The following NTM variants were observed in gnomAD, a reference collection of about 807,000 sequenced individuals.
NTM encodes the protein neurotrimin, also known as IgLON family member 2.
In NTM, 13 loss-of-function variants were observed where a neutral mutation model predicts 42.1. That is an observed-to-expected ratio of 0.31 (90% CI 0.20 to 0.49). NTM has a LOEUF of 0.49. Among genes scored for constraint, NTM ranks in the 20% least tolerant of loss-of-function variants. The pLI is 0.99. For synonymous variants in NTM, 187 were observed against 179.2 expected (o/e 1.04, Z -0.35); for missense variants, 373 against 452.8 (o/e 0.82, Z 1.60).
chr11:131,794,957 A>G (rs1012583698), intron 1 of NTM: 1 of 985,338 alleles, frequency 1.0e-6, no homozygotes. Context: ...CCCGCATGTC[A>G]GTGCCTCTCC....
rs531987228 is a variant in NTM, at chr11:131,433,341, G to A, written c.82+62453G>A. 1.6e-4 allele frequency among the ~76,000 whole-genome samples: 24 copies of A among 152,120 alleles called. No individual in the cohort carries two copies. The East Asian group carries it at 2.5e-3, about 16-fold the overall frequency. On this transcript the variant is annotated intron_variant, in intron 1 of 8. Transcript: ENST00000683400. ...AACATTCTGTTTTTCCTGGAGTTAC[G>A]TATTTTCTGTGTATGTCTATTTTTT... is the stretch of plus-strand genomic sequence containing the variant.
intron 4 of NTM, among the ~76,000 whole-genome samples, chr11:132,257,817 C>T (rs758348955): frequency 6.6e-6 from 1 of 152,190 alleles, no homozygotes; most frequent in Non-Finnish European, 1.5e-5. Context: ...CATTGCCTCT[C>T]TTTATAAAAG....
intron 1 of NTM, among the ~76,000 whole-genome samples, chr11:131,661,837 T>C (rs1207633984): frequency 6.6e-6 from 1 of 152,224 alleles, no homozygotes; most frequent in African/African-American, 2.4e-5. Context: ...GTATTTGTTA[T>C]TTTCTTTGCG....
rs555069117 is a variant in NTM at position 131,472,269 on chromosome 11, C to G, written c.82+101381C>G. 3.9e-5 allele frequency among the ~76,000 whole-genome samples: 6 copies of G among 152,276 alleles called. No homozygotes were observed. In the South Asian group the frequency reaches 1.2e-3, roughly 32 times the overall value. On this transcript the variant is annotated intron_variant, in intron 1 of 8. Coordinates refer to ENST00000683400, the MANE Select transcript of NTM (RefSeq NM_001352005.2). ...CCCCTGCATGGTGTCAGCCCCCACTCTCTGGAAGGGCTCTCCGGTACCACT... is the reference window on the plus strand; with the variant it reads ...CCCCTGCATGGTGTCAGCCCCCACTGTCTGGAAGGGCTCTCCGGTACCACT...
chr11:131,800,253 T>C (rs1179846256), intron 1 of NTM, among the ~76,000 whole-genome samples: 1 of 152,324 alleles, frequency 6.6e-6, no homozygotes, highest in Non-Finnish European at 1.5e-5. Flanking sequence ...TCTCATCTGG[T>C]AGAATTTACC....
intron 1 of NTM, among the ~76,000 whole-genome samples, chr11:131,522,475 G>C (rs2049890470): frequency 6.6e-6 from 1 of 152,138 alleles, no homozygotes; most frequent in African/African-American, 2.4e-5. Context: ...CAACCACTGA[G>C]CAATTCACAG....
chr11:131,964,668 T>A (rs754323951), intron 2 of NTM, among the ~76,000 whole-genome samples: 7 of 152,198 alleles, frequency 4.6e-5, no homozygotes, highest in African/African-American at 7.2e-5. Flanking sequence ...GGCATCATTG[T>A]CCCTGTGATC....
chr11:132,137,271 A>G lies in NTM; in HGVS notation c.168-9011A>G, dbSNP rs549015417. On this transcript the variant is annotated intron_variant, in intron 2 of 8. Coordinates refer to ENST00000683400, the MANE Select transcript of NTM (RefSeq NM_001352005.2). ...GGGCAGGACTGGAGACAAAGCAAAG[A>G]TGGAGGAGAGCCTGCAGATGGATTT... Among the ~76,000 whole-genome samples the G allele has an allele frequency of 2.0e-5, 3 of 152,286 alleles. No homozygotes were observed. The South Asian group carries it at 6.2e-4, about 32-fold the overall frequency.
intron 1 of NTM, among the ~76,000 whole-genome samples, chr11:131,426,100 G>A (rs1760805304): frequency 6.6e-6 from 1 of 152,152 alleles, no homozygotes; most frequent in African/African-American, 2.4e-5. Context: ...TGAGGGCTGG[G>A]GGGTCTTTGA....
At chr11:132,013,943 A>G (rs1372236718) in intron 2 of NTM, among the ~76,000 whole-genome samples, 1 of 152,044 alleles carries the variant, frequency 6.6e-6, no homozygotes, top group Non-Finnish European at 1.5e-5. Flanking sequence ...TGTTAACTAT[A>G]TTTACCATAC....
Position 132,253,095 on chromosome 11 carries a change from CAAT to C in NTM, c.526+40949_526+40951del, listed in dbSNP as rs1314111499. ...TATTAAGGGATTCTCTGTCCAACAA[CAAT>C]GTTTCTAGAATGGTAACTGTGAGCA... On this transcript the variant is annotated intron_variant, in intron 4 of 8. Coordinates refer to ENST00000683400, the MANE Select transcript of NTM (RefSeq NM_001352005.2). Among the ~76,000 whole-genome samples, 19 of 152,194 alleles carry C rather than the reference CAAT, an allele frequency of 1.2e-4. No homozygotes were observed. The South Asian group carries it at 2.9e-3, about 23-fold the overall frequency.
chr11:131,751,319 G>A (rs1277198856), intron 1 of NTM, among the ~76,000 whole-genome samples: 1 of 151,858 alleles, frequency 6.6e-6, no homozygotes, highest in Non-Finnish European at 1.5e-5. Context: ...GGGCACGGTG[G>A]CTCACGCCAC....
chr11:132,314,317 C>A lies in NTM; in HGVS notation c.783-235C>A, dbSNP rs75226620. ...AGCAAGGATGAGAGGCTAGGGAGAT[C>A]AGATGTTCTGGTAGGAGTGCCCCTG... On this transcript the variant is annotated intron_variant, in intron 6 of 8. Coordinates refer to ENST00000683400, the MANE Select transcript of NTM (RefSeq NM_001352005.2). Among the ~76,000 whole-genome samples, 1,257 of 152,272 alleles carry A rather than the reference C, an allele frequency of 8.3e-3. 6 individuals are homozygous for A. Among genetic ancestry groups the A allele is most frequent in the Non-Finnish European group, 0.012 (812 of 68,008 alleles).
chr11:131,936,468 A>G (rs1242683854), intron 2 of NTM, among the ~76,000 whole-genome samples: 1 of 152,176 alleles, frequency 6.6e-6, no homozygotes, highest in Non-Finnish European at 1.5e-5. Context: ...GCTGAGTGGT[A>G]TAATGGACAT....
chr11:131,414,478 G>T (rs551372106), intron 1 of NTM, among the ~76,000 whole-genome samples: 1 of 152,206 alleles, frequency 6.6e-6, no homozygotes, highest in African/African-American at 2.4e-5. Flanking sequence ...GCAGATCAGG[G>T]CAGCAGGTCC....
intron 1 of NTM, among the ~76,000 whole-genome samples, chr11:131,837,450 T>C (rs2043649254): frequency 6.6e-6 from 1 of 152,196 alleles, no homozygotes; most frequent in Admixed American, 6.5e-5. Context: ...AGTAGCCTAG[T>C]TATTGTACAG....
intron 1 of NTM, among the ~76,000 whole-genome samples, chr11:131,786,810 A>T (rs1470437522): frequency 6.6e-6 from 1 of 152,222 alleles, no homozygotes; most frequent in African/African-American, 2.4e-5. Flanking sequence ...GCACGTCTGA[A>T]GAGGCATTCT....
At chr11:131,636,734 C>T (rs2064447689) in intron 1 of NTM, among the ~76,000 whole-genome samples, 1 of 152,182 alleles carries the variant, frequency 6.6e-6, no homozygotes, top group African/African-American at 2.4e-5. Context: ...GGCTATGAAA[C>T]CTTGAGCAAG....
intron 1 of NTM, among the ~76,000 whole-genome samples, chr11:131,400,667 TA>T (rs1310286879): frequency 6.6e-6 from 1 of 152,170 alleles, no homozygotes; most frequent in East Asian, 1.9e-4. Context: ...GTGACTAGAA[TA>T]GATACCAGAA....
Sources: gnomAD v4.1 joint callset for allele counts (sites outside exome capture counted in the v4.1 genomes callset) on GRCh38, gnomAD v4.1.1 for gene constraint, MANE v1.5 for transcripts, NCBI Gene and HGNC (gene_info 2026-07-23, HGNC 2026-07-21) for gene names.